The following FAM193A variants were observed in gnomAD, a reference collection of about 807,000 sequenced individuals.
FAM193A encodes family with sequence similarity 193 member A, also known as protein FAM193A.
FAM193A carries 22 observed loss-of-function variants against 126.5 expected under a neutral mutation model. The observed-to-expected ratio is 0.17, with a 90% confidence interval of 0.12 to 0.25. The LOEUF (loss-of-function observed/expected upper bound fraction) is 0.25, where lower values mean the gene tolerates loss of function less well. Among genes scored for constraint, FAM193A ranks in the 10% least tolerant of loss-of-function variants. The probability of loss-of-function intolerance (pLI) is 1.00; values close to 1 mark genes in which losing one functional copy is unlikely to be tolerated. For missense variants in FAM193A, 1,675 were observed against 1,672.8 expected (o/e 1.00, Z -0.02); for synonymous variants, 761 against 646.8 (o/e 1.18, Z -2.68).
chr4:2,590,501 AAAAACAAAAAAAAAACAAAACAAAATT>A (rs1560464673), intron 1 of FAM193A, among the ~76,000 whole-genome samples: 2 of 43,616 alleles, frequency 4.6e-5, no homozygotes, highest in African/African-American at 2.2e-4. Context: ...AAAAACAAAA[AAAAACAAAAAAAAAACAAAACAAAATT>A]AAAAAACAGA....
intron 19 of FAM193A, among the ~76,000 whole-genome samples, chr4:2,713,104 CAAAAAAAA>C (rs529104464): frequency 3.9e-5 from 3 of 77,390 alleles, no homozygotes; most frequent in African/African-American, 1.4e-4. Context: ...GACTCTGCTT[CAAAAAAAA>C]AAAAAAAAAA....
intron 16 of FAM193A, among the ~76,000 whole-genome samples, chr4:2,694,411 G>A (rs1159257535): frequency 6.6e-6 from 1 of 151,960 alleles, no homozygotes; most frequent in Non-Finnish European, 1.5e-5. Context: ...TGAGACTACA[G>A]GCATACGCCA....
In FAM193A at chr4:2,576,367, G is replaced by A. The variant is rs543692617; in HGVS notation, c.256-19717G>A. ...CCTGCCTCGGCCTCCCAGAGTGTGGGGAGTACAGGTGTGAGCCACTGTGCC... is the reference window on the plus strand; with the variant it reads ...CCTGCCTCGGCCTCCCAGAGTGTGGAGAGTACAGGTGTGAGCCACTGTGCC... On this transcript the variant is annotated intron_variant, in intron 1 of 20. Coordinates refer to ENST00000637812, the MANE Select transcript of FAM193A (RefSeq NM_001366318.2). 1.8e-4 allele frequency among the ~76,000 whole-genome samples: 27 copies of A among 152,312 alleles called. No homozygotes were observed. In the South Asian group the frequency reaches 3.9e-3, roughly 22 times the overall value.
chr4:2,557,777 A>G (rs1738347159), intron 1 of FAM193A, among the ~76,000 whole-genome samples: 2 of 151,820 alleles, frequency 1.3e-5, no homozygotes, highest in African/African-American at 4.8e-5. Context: ...ATGGTGAAAC[A>G]CTGTCTCTAC....
intron 1 of FAM193A, among the ~76,000 whole-genome samples, chr4:2,550,971 T>C (rs1194651441): frequency 1.3e-5 from 2 of 151,960 alleles, no homozygotes; most frequent in Non-Finnish European, 2.9e-5. Flanking sequence ...TGGGTAATTT[T>C]TTATATTTTT....
intron 1 of FAM193A, among the ~76,000 whole-genome samples, chr4:2,566,572 C>G (rs1010269399): frequency 6.6e-6 from 1 of 151,944 alleles, no homozygotes; most frequent in African/African-American, 2.4e-5. Context: ...CCTGTAGTCC[C>G]CAGCTACTCG....
At chr4:2,615,755 G>C (rs1457408937) in intron 2 of FAM193A, among the ~76,000 whole-genome samples, 1 of 152,164 alleles carries the variant, frequency 6.6e-6, no homozygotes, top group African/African-American at 2.4e-5. Context: ...CTGACCTCGT[G>C]ATCTGCCGTC....
At chr4:2,587,936 C>T (rs1434265171) in intron 1 of FAM193A, among the ~76,000 whole-genome samples, 3 of 152,056 alleles carry the variant, frequency 2.0e-5, no homozygotes, top group African/African-American at 4.8e-5. Flanking sequence ...AATCAGTGGT[C>T]CTCAAGTGGC....
intron 19 of FAM193A, among the ~76,000 whole-genome samples, chr4:2,708,873 A>G (rs1279245587): frequency 6.6e-6 from 1 of 152,174 alleles, no homozygotes; most frequent in Non-Finnish European, 1.5e-5. Flanking sequence ...CAAATAGAGA[A>G]AGTTTTACTT....
chr4:2,719,213 G>A (rs546515964), intron 20 of FAM193A, among the ~76,000 whole-genome samples: 1 of 152,286 alleles, frequency 6.6e-6, no homozygotes, highest in Admixed American at 6.5e-5. Context: ...AGGAGGCTGA[G>A]GCAGGAGAAT....
intron 1 of FAM193A, among the ~76,000 whole-genome samples, chr4:2,579,067 C>T (rs1739769672): frequency 6.6e-6 from 1 of 151,936 alleles, no homozygotes; most frequent in South Asian, 2.1e-4. Context: ...CTTTTGTTGC[C>T]CAGACTGGTC....
intron 7 of FAM193A, among the ~76,000 whole-genome samples, chr4:2,647,399 G>T (rs909649230): frequency 6.6e-6 from 1 of 152,164 alleles, no homozygotes; most frequent in East Asian, 1.9e-4. Flanking sequence ...CCCTGCCTCA[G>T]CCTCCCAAAG....
intron 19 of FAM193A, among the ~76,000 whole-genome samples, chr4:2,703,139 C>T (rs927528958): frequency 1.6e-4 from 24 of 152,276 alleles, no homozygotes; most frequent in Admixed American, 3.9e-4. Flanking sequence ...TAGAGATTGT[C>T]CTCATTCTTT....
At chr4:2,609,322 G>A (rs1003994896) in intron 2 of FAM193A, among the ~76,000 whole-genome samples, 1 of 152,068 alleles carries the variant, frequency 6.6e-6, no homozygotes, top group Non-Finnish European at 1.5e-5. Flanking sequence ...TAGTCTGGTG[G>A]GAGATACGGT....
intron 1 of FAM193A, among the ~76,000 whole-genome samples, chr4:2,575,550 TC>T: frequency 6.7e-6 from 1 of 148,552 alleles, no homozygotes; most frequent in Admixed American, 6.8e-5. Context: ...CGCTGCAACC[TC>T]TGCTTCCCGG....
chr4:2,653,226 G>T (rs530976536), intron 7 of FAM193A, among the ~76,000 whole-genome samples: 29 of 152,290 alleles, frequency 1.9e-4, no homozygotes, highest in Non-Finnish European at 3.8e-4. Context: ...TCTGTTTCTT[G>T]AAGGTAAACA....
chr4:2,646,169 T>C, intron 6 of FAM193A, among the ~76,000 whole-genome samples: 1 of 128,088 alleles, frequency 7.8e-6, no homozygotes, highest in Non-Finnish European at 1.6e-5. Context: ...CTTTTTTTTT[T>C]TTTTTTTTTT....
At chr4:2,557,796 C>CA (rs1318741736) in intron 1 of FAM193A, among the ~76,000 whole-genome samples, 1 of 151,638 alleles carries the variant, frequency 6.6e-6, no homozygotes, top group East Asian at 1.9e-4. Context: ...ACTAAAAATA[C>CA]AAAAAATTAG....
intron 2 of FAM193A, among the ~76,000 whole-genome samples, chr4:2,620,858 A>T (rs1335072118): frequency 3.5e-5 from 5 of 142,452 alleles, no homozygotes; most frequent in Non-Finnish European, 3.1e-5. Flanking sequence ...AAAAAAAAAA[A>T]GTAATTAACA....
Sources: allele counts gnomAD v4.1 joint callset (sites outside exome capture counted in the v4.1 genomes callset), GRCh38; gene constraint gnomAD v4.1.1; transcripts MANE v1.5; gene names NCBI Gene and HGNC (gene_info 2026-07-23, HGNC 2026-07-21).